Variants in COL9A3 observed in about 807,000 individuals in gnomAD.
COL9A3 encodes collagen type IX alpha 3 chain, also known as collagen alpha-3(IX) chain.
Under a neutral mutation model 110.2 loss-of-function variants are expected in COL9A3, and 82 were observed. The ratio of observed to expected loss-of-function variants is 0.74; its 90% confidence interval spans 0.62 to 0.89. COL9A3 has a LOEUF of 0.89. Ranked by LOEUF, COL9A3 falls within the 40% of genes least tolerant of loss-of-function variation. The probability of loss-of-function intolerance (pLI) is 0.00; values close to 1 mark genes in which losing one functional copy is unlikely to be tolerated. For synonymous variants in COL9A3, 494 were observed against 403.8 expected (o/e 1.22, Z -2.68); for missense variants, 1,066 against 981.3 (o/e 1.09, Z -1.15).
chr20:62,831,920 A>C (rs1221576215), intron 24 of COL9A3: 1 of 601,504 alleles, frequency 1.7e-6, no homozygotes, highest in Non-Finnish European at 3.0e-6. Flanking sequence ...AAACAGTGCA[A>C]ACCTAACGGG....
chr20:62,832,908 G>A (rs1306182371), intron 25 of COL9A3, 112 bp from the exon 26 acceptor site: 7 of 1,056,060 alleles, frequency 6.6e-6, no homozygotes, highest in Admixed American at 1.7e-5. Context: ...TTTTGGCCTC[G>A]ACCTTAAGAT....
intron 5 of COL9A3, among the ~76,000 whole-genome samples, chr20:62,820,440 A>C (rs1991082995): frequency 6.6e-6 from 1 of 152,198 alleles, no homozygotes; most frequent in African/African-American, 2.4e-5. Context: ...ACAAACCCGA[A>C]GCCAGCATTC....
At chr20:62,822,978 G>A (rs1177640349) in intron 10 of COL9A3, among the ~76,000 whole-genome samples, 5 of 152,230 alleles carry the variant, frequency 3.3e-5, no homozygotes, top group East Asian at 1.9e-4. Flanking sequence ...CACAGATGGC[G>A]ACAGAACTGG....
intron 4 of COL9A3, among the ~76,000 whole-genome samples, chr20:62,819,710 C>A (rs1991056712): frequency 6.6e-6 from 1 of 152,208 alleles, no homozygotes; most frequent in East Asian, 1.9e-4. Context: ...GCAGGTGCCT[C>A]CGTTGCTGGC....
rs1346993054 is a variant in COL9A3 at position 62,828,661 on chromosome 20, A to G, written c.901-103A>G. The G allele has an allele frequency of 5.4e-6, 7 of 1,305,490 alleles. No individual in the cohort carries two copies. The East Asian group carries it at 1.4e-4, about 27-fold the overall frequency. The allele number at this position is 1,305,490 out of a possible 1,614,324, so 80.9% of individuals were successfully genotyped here. ...TAACTGCCAGGGTGTGGGGGCAGAC[A>G]CAGTTTTAGGTTGATGGGGAAGGAG... On this transcript the variant is annotated intron_variant, in intron 17 of 31. Coordinates refer to ENST00000649368, the MANE Select transcript of COL9A3 (RefSeq NM_001853.4).
chr20:62,833,741 A>G (rs967325951), intron 26 of COL9A3, among the ~76,000 whole-genome samples: 1 of 151,476 alleles, frequency 6.6e-6, no homozygotes, highest in Non-Finnish European at 1.5e-5. Flanking sequence ...TCTGTTGCCC[A>G]GGCTGGAGCA....
At chr20:62,831,374 A>T (rs183449081) in intron 24 of COL9A3, 1 of 152,456 alleles carries the variant, frequency 6.6e-6, no homozygotes, top group Non-Finnish European at 1.5e-5. Flanking sequence ...TGCTGTGGCC[A>T]CCTCTGCTGG....
rs562690273 is a variant in COL9A3 at position 62,834,480 on chromosome 20, A to G, written c.1368+1416A>G. Among the ~76,000 whole-genome samples, 58 of 152,222 alleles carry G rather than the reference A, an allele frequency of 3.8e-4. 1 individual carries two copies. The highest frequency in any genetic ancestry group is 1.4e-3 in the African/African-American group (57 of 41,530). On this transcript the variant is annotated intron_variant, in intron 26 of 31. Coordinates refer to ENST00000649368, the MANE Select transcript of COL9A3 (RefSeq NM_001853.4). ...AAGGACGGCCTTTCTGGCTTTCCCG[A>G]GGGGGGTTTTCATCTATGATTAAGT...
At chr20:62,816,230 G>A (rs146068860), upstream of COL9A3, 1 of 152,254 alleles carries the variant, frequency 6.6e-6, no homozygotes, top group African/African-American at 2.4e-5. Flanking sequence ...CTAGGGCAGC[G>A]ACTGCCCTGG....
At chr20:62,821,404 G>A (rs1002178008) in intron 6 of COL9A3, 103 bp from the exon 7 acceptor site, 3 of 1,514,642 alleles carry the variant, frequency 2.0e-6, no homozygotes, top group Non-Finnish European at 2.7e-6. Context: ...ACCCATCCCT[G>A]GAACCGCCCT....
chr20:62,828,658 GAC>G, intron 17 of COL9A3, 104 bp from the exon 18 acceptor site: 1 of 1,289,926 alleles, frequency 7.8e-7, no homozygotes, highest in Non-Finnish European at 1.1e-6. Context: ...TGTGGGGGCA[GAC>G]ACAGTTTTAG....
chr20:62,837,333 C>CACCAGAA, intron 30 of COL9A3, 68 bp downstream of exon 30: 2 of 1,527,620 alleles, frequency 1.3e-6, no homozygotes, highest in South Asian at 1.1e-5. Context: ...TGTTAGTAGG[C>CACCAGAA]GCTGCTTCTG....
intron 16 of COL9A3, 84 bp from the exon 17 acceptor site, chr20:62,827,839 G>T (rs2063566090): frequency 6.9e-6 from 10 of 1,450,138 alleles, no homozygotes; most frequent in Non-Finnish European, 8.7e-6. Flanking sequence ...TAGCTCCTTG[G>T]TGTCCCCGAG....
chr20:62,820,829 C>T (rs1451724921), intron 5 of COL9A3, among the ~76,000 whole-genome samples: 1 of 152,162 alleles, frequency 6.6e-6, no homozygotes, highest in African/African-American at 2.4e-5. Flanking sequence ...CTCTGGGGCT[C>T]GCTGACGTGG....
chr20:62,833,766 C>T (rs1310681108), intron 26 of COL9A3, among the ~76,000 whole-genome samples: 3 of 152,168 alleles, frequency 2.0e-5, no homozygotes, highest in South Asian at 2.1e-4. Context: ...GGCGCGATCT[C>T]GGTTCACTGC....
chr20:62,819,842 G>A (rs1991060260), intron 4 of COL9A3, 87 bp from the exon 5 acceptor site: 1 of 1,469,344 alleles, frequency 6.8e-7, no homozygotes, highest in South Asian at 1.1e-5. Flanking sequence ...GACTCACCAA[G>A]GGAAGGGTCC....
At chr20:62,824,930 G>T in intron 11 of COL9A3, 38 bp from the exon 12 acceptor site, 1 of 1,592,516 alleles carries the variant, frequency 6.3e-7, no homozygotes, top group Non-Finnish European at 8.5e-7. Context: ...GGGTGTCGGG[G>T]GGTCTGGGTG....
intron 10 of COL9A3, among the ~76,000 whole-genome samples, chr20:62,823,526 G>A (rs948074738): frequency 2.6e-5 from 4 of 152,156 alleles, no homozygotes; most frequent in Non-Finnish European, 5.9e-5. Flanking sequence ...ACCCCACCCC[G>A]GGGCCTAGGT....
intron 5 of COL9A3, 47 bp from the exon 6 acceptor site, chr20:62,821,134 G>A (rs370248915): frequency 1.2e-6 from 2 of 1,602,632 alleles, no homozygotes; most frequent in Non-Finnish European, 1.7e-6. Flanking sequence ...GATTGGGTTT[G>A]CAAATAGAGG....
Sources: allele counts gnomAD v4.1 joint callset (sites outside exome capture counted in the v4.1 genomes callset), GRCh38; gene constraint gnomAD v4.1.1; transcripts MANE v1.5; gene names NCBI Gene and HGNC (gene_info 2026-07-23, HGNC 2026-07-21).